NELL1: variants seen among roughly 807,000 people sequenced by gnomAD.
The protein encoded by NELL1 is neural EGFL like 1.
In NELL1, 76 loss-of-function variants were observed where a neutral mutation model predicts 107.4. The ratio of observed to expected loss-of-function variants is 0.71; its 90% CI spans 0.59 to 0.86. The LOEUF (loss-of-function observed/expected upper bound fraction) is 0.86. Ranked by LOEUF, NELL1 falls within the 40% of genes least tolerant of loss-of-function variation. NELL1 has a pLI of 0.00. For synonymous variants in NELL1, 353 were observed against 341.2 expected (o/e 1.03, Z -0.38); for missense variants, 1,024 against 1,005.5 (o/e 1.02, Z -0.25).
chr11:21,318,534 C>T (rs1387773496), intron 14 of NELL1, among the ~76,000 whole-genome samples: 1 of 152,160 alleles, frequency 6.6e-6, no homozygotes, highest in African/African-American at 2.4e-5. Flanking sequence ...CGGCCCCACT[C>T]GAGAACTCCT....
chr11:21,190,972 A>G (rs536510868), intron 13 of NELL1, among the ~76,000 whole-genome samples: 6 of 151,866 alleles, frequency 4.0e-5, no homozygotes, highest in African/African-American at 1.5e-4. Context: ...TGTTGGGCAT[A>G]TTGCAAGGTG....
At chr11:21,353,742 C>CAG (rs1168413211) in intron 14 of NELL1, among the ~76,000 whole-genome samples, 8 of 152,090 alleles carry the variant, frequency 5.3e-5, no homozygotes, top group Non-Finnish European at 1.0e-4. Context: ...CTACAGCAAG[C>CAG]AGAGCTCTTT....
intron 4 of NELL1, among the ~76,000 whole-genome samples, chr11:20,880,634 T>C (rs1218185779): frequency 6.6e-6 from 1 of 152,222 alleles, no homozygotes; most frequent in East Asian, 1.9e-4. Flanking sequence ...CTTTCTGTTT[T>C]TCAGTGCGGT....
chr11:20,680,153 A>G (rs1590200075), intron 2 of NELL1, among the ~76,000 whole-genome samples: 1 of 152,130 alleles, frequency 6.6e-6, no homozygotes, highest in African/African-American at 2.4e-5. Flanking sequence ...CCCCATCTCA[A>G]TATCAGTAAC....
At chr11:21,052,516 A>G (rs768129701) in intron 12 of NELL1, among the ~76,000 whole-genome samples, 8 of 152,160 alleles carry the variant, frequency 5.3e-5, no homozygotes, top group Non-Finnish European at 1.0e-4. Flanking sequence ...TTATGAATGT[A>G]GTGAGTCAAT....
chr11:20,834,842 A>G (rs1427730836), intron 3 of NELL1, among the ~76,000 whole-genome samples: 1 of 152,192 alleles, frequency 6.6e-6, no homozygotes, highest in Non-Finnish European at 1.5e-5. Context: ...CAAATTTTGC[A>G]TAACTGGTGA....
chr11:21,545,961 C>T lies in NELL1; in HGVS notation c.1786+11447C>T, dbSNP rs72959360. ...TAATGAGAGCTCTCATTGGTTGATT[C>T]TGAAGCTCACTGAATTTTGAAAATA... is the stretch of plus-strand genomic sequence containing the variant. On this transcript the variant is annotated intron_variant, in intron 16 of 19. Transcript: ENST00000357134. Among the ~76,000 whole-genome samples the T allele has an allele frequency of 7.1e-3, 1,072 of 152,048 alleles. 11 individuals are homozygous for T. Among genetic ancestry groups the T allele is most frequent in the Non-Finnish European group, 0.012 (796 of 67,944 alleles).
intron 15 of NELL1, among the ~76,000 whole-genome samples, chr11:21,431,753 T>C (rs1423348075): frequency 6.6e-6 from 1 of 152,208 alleles, no homozygotes; most frequent in African/African-American, 2.4e-5. Context: ...CTCTTTCTCC[T>C]TTCTGCCTTT....
intron 13 of NELL1, among the ~76,000 whole-genome samples, chr11:21,226,954 A>G (rs913079674): frequency 2.0e-5 from 3 of 152,186 alleles, no homozygotes; most frequent in Admixed American, 1.3e-4. Context: ...AAACTCGTAC[A>G]TTTGTAGGAC....
chr11:20,776,364 G>C (rs908947892), intron 2 of NELL1, among the ~76,000 whole-genome samples: 2 of 152,066 alleles, frequency 1.3e-5, no homozygotes, highest in African/African-American at 4.8e-5. Context: ...GCTTGAACCC[G>C]GGAGGTGGAG....
chr11:21,299,317 G>A (rs1305964330), intron 14 of NELL1, among the ~76,000 whole-genome samples: 1 of 151,822 alleles, frequency 6.6e-6, no homozygotes, highest in Non-Finnish European at 1.5e-5. Flanking sequence ...TGCAGACATC[G>A]CATTCTGCTC....
At chr11:21,350,720 G>A (rs909019104) in intron 14 of NELL1, among the ~76,000 whole-genome samples, 1 of 152,148 alleles carries the variant, frequency 6.6e-6, no homozygotes, top group African/African-American at 2.4e-5. Flanking sequence ...AGAGTTGAAA[G>A]ACACCATCTG....
chr11:21,495,618 C>G (rs1229207608), intron 15 of NELL1, among the ~76,000 whole-genome samples: 1 of 152,058 alleles, frequency 6.6e-6, no homozygotes, highest in Non-Finnish European at 1.5e-5. Flanking sequence ...ATTTTACACG[C>G]CCACCAGCAA....
At chr11:21,574,358 C>T (rs1277294750) in intron 19 of NELL1, among the ~76,000 whole-genome samples, 1 of 151,778 alleles carries the variant, frequency 6.6e-6, no homozygotes, top group Non-Finnish European at 1.5e-5. Context: ...TCTGTACCTT[C>T]AGTCCCAGAG....
chr11:21,272,136 G>A (rs1010240550), intron 14 of NELL1, among the ~76,000 whole-genome samples: 2 of 152,178 alleles, frequency 1.3e-5, no homozygotes, highest in African/African-American at 4.8e-5. Flanking sequence ...AAGGGGTCAG[G>A]GAATTCCCTT....
chr11:20,859,759 T>G (rs1848944781), intron 4 of NELL1, among the ~76,000 whole-genome samples: 1 of 151,986 alleles, frequency 6.6e-6, no homozygotes, highest in African/African-American at 2.4e-5. Context: ...TATTGGCACC[T>G]AATTAGATAT....
At chr11:20,978,287 C>T (rs1447498391) in intron 12 of NELL1, among the ~76,000 whole-genome samples, 1 of 152,156 alleles carries the variant, frequency 6.6e-6, no homozygotes, top group Admixed American at 6.5e-5. Flanking sequence ...TCAGCATGTA[C>T]TCTATGATAG....
chr11:20,840,045 C>G (rs1393826895), intron 3 of NELL1, among the ~76,000 whole-genome samples: 1 of 152,058 alleles, frequency 6.6e-6, no homozygotes, highest in Non-Finnish European at 1.5e-5. Flanking sequence ...CAAAGTAGTC[C>G]TAAGGTATTT....
At chr11:20,776,056 G>A (rs1040304171) in intron 2 of NELL1, among the ~76,000 whole-genome samples, 5 of 152,194 alleles carry the variant, frequency 3.3e-5, no homozygotes, top group Admixed American at 6.5e-5. Context: ...AAAGATTTGA[G>A]GCTTAACCAG....
Sources: allele counts gnomAD v4.1 joint callset (sites outside exome capture counted in the v4.1 genomes callset), GRCh38; gene constraint gnomAD v4.1.1; transcripts MANE v1.5; gene names NCBI Gene and HGNC (gene_info 2026-07-23, HGNC 2026-07-21).